SLC24A2: variants seen among roughly 807,000 people sequenced by gnomAD.
The protein encoded by SLC24A2 is sodium/potassium/calcium exchanger 2.
SLC24A2 carries 36 observed loss-of-function variants against 62.0 expected under a neutral mutation model. The observed-to-expected ratio is 0.58, with a 90% CI of 0.44 to 0.77. The LOEUF is 0.77. Ranked by LOEUF, SLC24A2 falls within the 30% of genes least tolerant of loss-of-function variation. The pLI is 0.00. For missense variants in SLC24A2, 846 were observed against 817.9 expected (o/e 1.03, Z -0.42); for synonymous variants, 358 against 294.0 (o/e 1.22, Z -2.23).
the SLC24A2 span, among the ~76,000 whole-genome samples, chr9:20,159,729 T>C: frequency 6.6e-6 from 1 of 151,302 alleles, no homozygotes; most frequent in Non-Finnish European, 1.5e-5. Context: ...AAAGATTAAG[T>C]AAAAATGGTG....
the SLC24A2 span, among the ~76,000 whole-genome samples, chr9:20,050,123 C>G: frequency 6.6e-6 from 1 of 150,404 alleles, no homozygotes; most frequent in Non-Finnish European, 1.5e-5. Context: ...CATACACACA[C>G]AGAGATAACT....
the SLC24A2 span, among the ~76,000 whole-genome samples, chr9:20,140,058 T>C: frequency 1.2e-4 from 19 of 152,306 alleles, no homozygotes; most frequent in South Asian, 8.3e-4. Context: ...TCCCAGCACA[T>C]TGAAAAGAGA....
At chr9:20,045,390 T>C in the SLC24A2 span, among the ~76,000 whole-genome samples, 2 of 152,234 alleles carry the variant, frequency 1.3e-5, no homozygotes, top group South Asian at 4.2e-4. Flanking sequence ...AGAATTAATA[T>C]GGTTAAGTAG....
chr9:20,246,592 A>T, the SLC24A2 span, among the ~76,000 whole-genome samples: 1 of 152,258 alleles, frequency 6.6e-6, no homozygotes, highest in Non-Finnish European at 1.5e-5. Flanking sequence ...AGAAGACTAC[A>T]GTAATGACAA....
chr9:19,995,077 G>GC, the SLC24A2 span, among the ~76,000 whole-genome samples: 5 of 67,700 alleles, frequency 7.4e-5, no homozygotes, highest in South Asian at 4.4e-4. Flanking sequence ...AATATCTCAG[G>GC]CCTTTTTTTT....
At chr9:19,820,058 CATATATAT>C in the SLC24A2 span, among the ~76,000 whole-genome samples, 5 of 34,622 alleles carry the variant, frequency 1.4e-4, no homozygotes, top group Admixed American at 1.7e-3. Context: ...TATATATACA[CATATATAT>C]ATATATATAT....
intron 7 of SLC24A2, among the ~76,000 whole-genome samples, chr9:19,558,762 T>G (rs1835237125): frequency 6.6e-6 from 1 of 152,238 alleles, no homozygotes; most frequent in African/African-American, 2.4e-5. Flanking sequence ...CTGCTTCTCT[T>G]CCTACCTCCC....
Position 19,675,783 on chromosome 9 carries a change from A to AG in SLC24A2, c.931-53485_931-53484insC, listed in dbSNP as rs1483731498. 1.5e-3 allele frequency among the ~76,000 whole-genome samples: 230 copies of AG among 152,270 alleles called. 1 individual carries two copies. Among genetic ancestry groups the AG allele is most frequent in the Non-Finnish European group, 6.8e-4 (46 of 68,024 alleles). On this transcript the variant is annotated intron_variant, in intron 2 of 10. Transcript: ENST00000341998. ...AACCTACCCCAGGCTGAGAAAGCAA[A>AG]CAGGGTTTTCAGGTTTTGTGCCTCC...
chr9:19,535,512 C>T (rs531659798), intron 8 of SLC24A2, among the ~76,000 whole-genome samples: 1 of 152,268 alleles, frequency 6.6e-6, no homozygotes, highest in Non-Finnish European at 1.5e-5. Context: ...TTTAATCCAT[C>T]TTGAGTTAAT....
chr9:19,873,876 T>C, the SLC24A2 span, among the ~76,000 whole-genome samples: 1 of 152,076 alleles, frequency 6.6e-6, no homozygotes, highest in Non-Finnish European at 1.5e-5. Flanking sequence ...TCAATAGCCA[T>C]CAAAATCCCA....
chr9:20,045,581 G>A, the SLC24A2 span, among the ~76,000 whole-genome samples: 2 of 152,002 alleles, frequency 1.3e-5, no homozygotes, highest in African/African-American at 4.8e-5. Flanking sequence ...ACAGGCGCCC[G>A]CTACCACGCC....
chr9:19,625,432 C>T (rs1818008638), intron 2 of SLC24A2, among the ~76,000 whole-genome samples: 1 of 152,180 alleles, frequency 6.6e-6, no homozygotes, highest in Admixed American at 6.5e-5. Flanking sequence ...TCATAAACTA[C>T]ATCCTGAAGG....
chr9:20,120,175 CT>C, the SLC24A2 span, among the ~76,000 whole-genome samples: 1 of 152,168 alleles, frequency 6.6e-6, no homozygotes, highest in Non-Finnish European at 1.5e-5. Flanking sequence ...TAGTTTTCCA[CT>C]GTTTTGAAAA....
the SLC24A2 span, among the ~76,000 whole-genome samples, chr9:20,141,612 T>A: frequency 2.1e-4 from 32 of 151,840 alleles, no homozygotes; most frequent in African/African-American, 7.7e-4. Flanking sequence ...CCCTGCCTCA[T>A]GATCTAGTAT....
At chr9:20,072,428 A>G in the SLC24A2 span, among the ~76,000 whole-genome samples, 6 of 152,126 alleles carry the variant, frequency 3.9e-5, no homozygotes, top group Admixed American at 3.9e-4. Context: ...GTACCCGAGG[A>G]TTATAATAAA....
the SLC24A2 span, among the ~76,000 whole-genome samples, chr9:20,294,094 G>C: frequency 2.6e-5 from 4 of 151,888 alleles, no homozygotes; most frequent in African/African-American, 7.3e-5. Flanking sequence ...TTCTTGTTTT[G>C]TTTCCTGGAC....
chr9:19,688,741 G>T (rs999154382), intron 2 of SLC24A2, among the ~76,000 whole-genome samples: 1 of 152,074 alleles, frequency 6.6e-6, no homozygotes, highest in Non-Finnish European at 1.5e-5. Flanking sequence ...ACTGATATAA[G>T]TTTCTTATGT....
the SLC24A2 span, among the ~76,000 whole-genome samples, chr9:19,797,566 T>A: frequency 6.6e-6 from 1 of 152,222 alleles, no homozygotes; most frequent in African/African-American, 2.4e-5. Flanking sequence ...CAGAAACACA[T>A]GTCAGTATCT....
intron 2 of SLC24A2, among the ~76,000 whole-genome samples, chr9:19,687,933 T>C (rs1203701551): frequency 6.6e-5 from 10 of 152,112 alleles, no homozygotes; most frequent in African/African-American, 2.4e-4. Flanking sequence ...TTGCCCCATG[T>C]GTGTCTTCTA....
Sources: gnomAD v4.1 joint callset for allele counts (sites outside exome capture counted in the v4.1 genomes callset) on GRCh38, gnomAD v4.1.1 for gene constraint, MANE v1.5 for transcripts, NCBI Gene and HGNC (gene_info 2026-07-23, HGNC 2026-07-21) for gene names.